The following RADIL variants were observed in gnomAD, a reference collection of about 807,000 sequenced individuals.
The protein encoded by RADIL is ras-associating and dilute domain-containing protein.
In RADIL, 99 loss-of-function variants were observed where a neutral mutation model predicts 97.6. The ratio of observed to expected loss-of-function variants is 1.01; its 90% CI spans 0.86 to 1.20. RADIL has a LOEUF of 1.20. RADIL is among the 50% of genes most tolerant of loss of function. The pLI is 0.00. For missense variants in RADIL, 1,765 were observed against 1,498.9 expected (o/e 1.18, Z -2.93); for synonymous variants, 803 against 691.8 (o/e 1.16, Z -2.52).
At chr7:4,829,988 G>A (rs1783096116) in intron 5 of RADIL, among the ~76,000 whole-genome samples, 1 of 152,210 alleles carries the variant, frequency 6.6e-6, no homozygotes, top group Admixed American at 6.5e-5. Context: ...TTAAGGGGGT[G>A]CTGCCAGCCA....
chr7:4,873,504 C>A lies in RADIL; in HGVS notation c.535+4101G>T, dbSNP rs1218241490. 6.6e-6 allele frequency among the ~76,000 whole-genome samples: 1 copy of A among 152,226 alleles called. No individual in the cohort carries two copies. The highest frequency in any genetic ancestry group is 2.4e-5 in the African/African-American group (1 of 41,458). On this transcript the variant is annotated intron_variant, in intron 2 of 14. Coordinates refer to ENST00000399583, the MANE Select transcript of RADIL (RefSeq NM_018059.5). This position sits in a 1 kb window ranked among gnomAD's most constrained non-coding sequence, Gnocchi z 4.3. ...GATCAGGGACAGCCCCACGCTGGGTCCTCTTGGGAGAGAATGCAGGAGCTG... is the reference window on the plus strand; with the variant it reads ...GATCAGGGACAGCCCCACGCTGGGTACTCTTGGGAGAGAATGCAGGAGCTG...
chr7:4,874,918 C>T (rs13437860), intron 2 of RADIL, among the ~76,000 whole-genome samples: 20,866 of 146,430 alleles, frequency 0.14, 3,278 homozygotes, highest in African/African-American at 0.43. Context: ...ATTGGCCGGG[C>T]GCGGTGGCTC....
chr7:4,823,350 T>G (rs1251256739), intron 5 of RADIL, among the ~76,000 whole-genome samples: 2 of 150,902 alleles, frequency 1.3e-5, no homozygotes, highest in Non-Finnish European at 3.0e-5. Flanking sequence ...TTTTTTTTTT[T>G]TTAGAGACAG....
Position 4,801,929 on chromosome 7 carries a change from G to T in RADIL, c.2566C>A (p.Pro856Thr). 2 of 1,568,246 alleles carry T rather than the reference G, an allele frequency of 1.3e-6. No homozygotes were observed. The highest frequency in any genetic ancestry group is 1.7e-6 in the Non-Finnish European group (2 of 1,158,952). Residue 856 changes from proline to threonine, a missense_variant, in exon 12 of 15, where the codon CCT (proline) becomes ACT (threonine). Physicochemically the swap from Pro to Thr is conservative, Grantham distance 38. Coordinates refer to ENST00000399583, the MANE Select transcript of RADIL (RefSeq NM_018059.5). ...GCCACTTCCCGGGCTGCTGGGCCAGGGTCCCTGGGAGCCAGGGGGCAGCTC... is the reference window on the plus strand; with the variant it reads ...GCCACTTCCCGGGCTGCTGGGCCAGTGTCCCTGGGAGCCAGGGGGCAGCTC... ...APSCPLAPRD[P>T]GPAAREVAPE... is the part of the protein sequence containing the mutation.
At position 4,840,706 on chromosome 7, in the gene RADIL, C is replaced by T. The variant is rs776113502; in HGVS notation, c.536-4101G>A. 3.3e-5 allele frequency among the ~76,000 whole-genome samples: 5 copies of T among 152,178 alleles called. No homozygotes were observed. Among genetic ancestry groups the T allele is most frequent in the African/African-American group, 7.2e-5 (3 of 41,438 alleles). On this transcript the variant is annotated intron_variant, in intron 2 of 14. Coordinates refer to ENST00000399583, the MANE Select transcript of RADIL (RefSeq NM_018059.5). This position sits in a 1 kb window ranked among gnomAD's most constrained non-coding sequence, Gnocchi z 5.6. Reference sequence around the variant, plus strand: ...ATTTCTGGCCGGGCGCGGTGGCTCACGCCTGTAATCCCAGCACTTTGGGAG... The same window carrying T: ...ATTTCTGGCCGGGCGCGGTGGCTCATGCCTGTAATCCCAGCACTTTGGGAG...
chr7:4,805,102 AAAAT>A (rs1782255272), intron 10 of RADIL: 2 of 154,290 alleles, frequency 1.3e-5, no homozygotes, highest in Non-Finnish European at 2.9e-5. Flanking sequence ...CTCAAAAATA[AAAAT>A]AAAATAAAAC....
rs1781966545 is a variant in RADIL at position 4,797,980 on chromosome 7, A to G, written c.*1398T>C. The G allele has an allele frequency of 6.7e-6, 1 of 150,372 alleles. No homozygotes were observed. The allele number at this position is 150,372 out of a possible 1,614,324, so 9.3% of individuals were successfully genotyped here. On this transcript the variant is annotated 3_prime_UTR_variant, in exon 15 of 15. Transcript: ENST00000399583. ...CAGAGCGAGACTCCGTCTCATAAAA[A>G]AAAATTAAATATTTATATTTTATAT...
At position 4,818,523 on chromosome 7, in the gene RADIL, C is replaced by A. The variant is rs979478379; in HGVS notation, c.1616-1172G>T. The stretch of plus-strand genomic sequence containing the variant: ...GGTCACATCTGGGAACCAGGCAGGG[C>A]AGCTGGAGGGACCCCGGGGTCCGGG... On this transcript the variant is annotated intron_variant, in intron 6 of 14. Coordinates refer to ENST00000399583, the MANE Select transcript of RADIL (RefSeq NM_018059.5). The surrounding 1 kb of genome is among the most constrained non-coding windows in gnomAD (Gnocchi z 7.1). 2.6e-5 allele frequency among the ~76,000 whole-genome samples: 4 copies of A among 152,200 alleles called. No homozygotes were observed. The highest frequency in any genetic ancestry group is 4.4e-5 in the Non-Finnish European group (3 of 68,022).
intron 9 of RADIL, among the ~76,000 whole-genome samples, chr7:4,810,905 G>C (rs1008315806): frequency 6.6e-6 from 1 of 152,228 alleles, no homozygotes; most frequent in East Asian, 1.9e-4. Context: ...GGAATCTGAG[G>C]TGGGCGGATC....
chr7:4,817,902 G>A lies in RADIL; in HGVS notation c.1616-551C>T, dbSNP rs1434561611. ...CCCACGGAGTGGTTCCTGCCGTCTG[G>A]GTGGGGGCTCTTGTGAAGGTGGGAG... is the stretch of plus-strand genomic sequence containing the variant. On this transcript the variant is annotated intron_variant, in intron 6 of 14. Transcript: ENST00000399583. The surrounding 1 kb of genome is among the most constrained non-coding windows in gnomAD (Gnocchi z 8.3). Among the ~76,000 whole-genome samples, 1 of 152,232 alleles carries A rather than the reference G, an allele frequency of 6.6e-6. No individual in the cohort carries two copies. Among genetic ancestry groups the A allele is most frequent in the African/African-American group, 2.4e-5 (1 of 41,462 alleles).
intron 9 of RADIL, chr7:4,809,715 C>A: frequency 1.2e-6 from 1 of 854,774 alleles, no homozygotes; most frequent in Non-Finnish European, 1.4e-6. Flanking sequence ...CGGGGTTTCG[C>A]TCTGTCGCCC....
At position 4,858,831 on chromosome 7, in the gene RADIL, T is replaced by C. The variant is rs910995549; in HGVS notation, c.535+18774A>G. 8 of 152,352 alleles carry C rather than the reference T, an allele frequency of 5.3e-5. No individual in the cohort carries two copies. The East Asian group carries it at 1.2e-3, about 22-fold the overall frequency. 9.4% of individuals were successfully genotyped at this position (152,352 alleles called of 1,614,324 possible). On this transcript the variant is annotated intron_variant, in intron 2 of 14. Transcript: ENST00000399583. ...TCACATCATGGTTTAGAGAATATTA[T>C]TCCTTTTTTCTTGTGAAATGACACA...
Position 4,815,142 on chromosome 7 carries a change from T to G in RADIL, c.2139+136A>C, listed in dbSNP as rs1583275556. 1.8e-6 allele frequency: 2 copies of G among 1,136,174 alleles called. No homozygotes were observed. The highest frequency in any genetic ancestry group is 3.1e-5 in the African/African-American group (2 of 63,648). The allele number at this position is 1,136,174 out of a possible 1,614,324, so 70.4% of individuals were successfully genotyped here. On this transcript the variant is annotated intron_variant, in intron 9 of 14. Coordinates refer to ENST00000399583, the MANE Select transcript of RADIL (RefSeq NM_018059.5). The surrounding 1 kb of genome is among the most constrained non-coding windows in gnomAD (Gnocchi z 8.0). The stretch of plus-strand genomic sequence containing the variant: ...AGCCATGGAATGGAAGCAACTTTTC[T>G]GATTACCTACGGTAGCTTTGAGGTT...
intron 9 of RADIL, chr7:4,809,074 C>T (rs1782456897): frequency 4.1e-6 from 4 of 982,728 alleles, no homozygotes; most frequent in African/African-American, 3.6e-5. Context: ...ACTGCCCCTC[C>T]GCGTCTCCTG....
rs549679178 is a variant in RADIL, at chr7:4,803,752, C to T, written c.2293G>A (p.Asp765Asn). 22 of 1,559,318 alleles carry T rather than the reference C, an allele frequency of 1.4e-5. No individual in the cohort carries two copies. Among genetic ancestry groups the T allele is most frequent in the Middle Eastern group, 1.7e-4 (1 of 6,014 alleles). The part of the protein sequence containing the change: ...QDSPEAFRSE[D>N]VLESYENPPP... ...GGGTTTTCGTAGGACTCCAGAACAT[C>T]CTCTGCAGGGGAGAGAGGATGCCCG... Residue 765 changes from aspartate (D) to asparagine (N), a missense_variant and splice_region_variant, in exon 11 of 15, where the codon GAT becomes AAT. By Grantham distance (23) the Asp-to-Asn change is conservative. Transcript: ENST00000399583.
chr7:4,853,145 G>C (rs1296792703), intron 2 of RADIL, among the ~76,000 whole-genome samples: 1 of 152,178 alleles, frequency 6.6e-6, no homozygotes, highest in Non-Finnish European at 1.5e-5. Context: ...GGAGGCCAGA[G>C]GGCAGGCTGT....
At chr7:4,820,294 C>T (rs749976615) in intron 6 of RADIL, among the ~76,000 whole-genome samples, 4 of 152,338 alleles carry the variant, frequency 2.6e-5, no homozygotes, top group Non-Finnish European at 5.9e-5. Context: ...AGGCGACGGG[C>T]GCTGTAGTCC....
At position 4,883,170 on chromosome 7, in the gene RADIL, C is replaced by G. The variant is rs1784520060; in HGVS notation, c.-65+426G>C. 2.0e-5 allele frequency among the ~76,000 whole-genome samples: 3 copies of G among 152,224 alleles called. No homozygotes were observed. In the South Asian group the frequency reaches 6.2e-4, roughly 32 times the overall value. The stretch of plus-strand genomic sequence containing the variant: ...GGAGAGCGCGCGGAACCCTGCGCCC[C>G]GCTCCCCCGCTGCGCCCCGCTCCCC... On this transcript the variant is annotated intron_variant, in intron 1 of 14. Transcript: ENST00000399583. The surrounding 1 kb of genome is among the most constrained non-coding windows in gnomAD (Gnocchi z 7.1).
At position 4,813,118 on chromosome 7, in the gene RADIL, T is replaced by C. The variant is rs1294540071; in HGVS notation, c.2139+2160A>G. On this transcript the variant is annotated intron_variant, in intron 9 of 14. Coordinates refer to ENST00000399583, the MANE Select transcript of RADIL (RefSeq NM_018059.5). This position sits in a 1 kb window ranked among gnomAD's most constrained non-coding sequence, Gnocchi z 5.0. Reference sequence around the variant, plus strand: ...TCTCTCTCTTTCCTTTCTTTCTTTCTTTTCTTTCTTTCATAGTTGAGGTCT... The same window carrying C: ...TCTCTCTCTTTCCTTTCTTTCTTTCCTTTCTTTCTTTCATAGTTGAGGTCT... 2.6e-5 allele frequency among the ~76,000 whole-genome samples: 4 copies of C among 151,218 alleles called. No individual in the cohort carries two copies. The highest frequency in any genetic ancestry group is 9.8e-5 in the African/African-American group (4 of 40,736).
Sources: gnomAD v4.1 joint callset for allele counts (sites outside exome capture counted in the v4.1 genomes callset) on GRCh38, gnomAD v4.1.1 for gene constraint, Gnocchi (gnomAD v3.1) non-coding constraint, MANE v1.5 for transcripts, NCBI Gene and HGNC (gene_info 2026-07-23, HGNC 2026-07-21) for gene names.